The following STK32B variants were observed in gnomAD, a reference collection of about 807,000 sequenced individuals.
STK32B encodes the protein serine/threonine-protein kinase 32B.
A neutral mutation model predicts 52.6 loss-of-function variants in STK32B; 43 were observed. The observed-to-expected ratio is 0.82, with a 90% CI of 0.64 to 1.05. STK32B has a LOEUF of 1.05. Among genes scored for constraint, STK32B ranks in the 50% least tolerant of loss-of-function variants. The pLI, the probability that STK32B is intolerant of heterozygous loss-of-function variation, is 0.00. For missense variants in STK32B, 621 were observed against 534.6 expected (o/e 1.16, Z -1.59); for synonymous variants, 238 against 204.3 (o/e 1.17, Z -1.41).
rs1051702616 is a variant in STK32B, at chr4:5,378,389, C to G, written c.435-19818C>G. Among the ~76,000 whole-genome samples, 44 of 152,328 alleles carry G rather than the reference C, an allele frequency of 2.9e-4. No individual in the cohort carries two copies. The highest frequency in any genetic ancestry group is 1.0e-3 in the African/African-American group (43 of 41,570). On this transcript the variant is annotated intron_variant, in intron 4 of 11. Coordinates refer to ENST00000282908, the MANE Select transcript of STK32B (RefSeq NM_018401.3). This position sits in a 1 kb window ranked among gnomAD's most constrained non-coding sequence, Gnocchi z 4.4. ...TCCTAGAGATTCTGAAGCCCTGTGC[C>G]TGGGTCGTAGCCCTGGACTTTGCAT...
intron 3 of STK32B, among the ~76,000 whole-genome samples, chr4:5,258,587 C>T (rs2108841705): frequency 6.6e-6 from 1 of 152,256 alleles, no homozygotes; most frequent in Non-Finnish European, 1.5e-5. Flanking sequence ...CCATGATTAT[C>T]CTCTTCCTTT....
the STK32B span, among the ~76,000 whole-genome samples, chr4:5,026,748 C>A: frequency 6.6e-6 from 1 of 152,264 alleles, no homozygotes; most frequent in East Asian, 1.9e-4. Flanking sequence ...CCTGCCTGCT[C>A]CCTGTGTTCC....
At chr4:5,265,465 G>T (rs756958085) in intron 3 of STK32B, among the ~76,000 whole-genome samples, 1 of 152,006 alleles carries the variant, frequency 6.6e-6, no homozygotes, top group African/African-American at 2.4e-5. Context: ...GACCACTGCC[G>T]CCATCCATCC....
intron 3 of STK32B, among the ~76,000 whole-genome samples, chr4:5,287,501 A>C (rs1010231376): frequency 6.6e-6 from 1 of 152,012 alleles, no homozygotes; most frequent in Non-Finnish European, 1.5e-5. Flanking sequence ...TTTATTTTTG[A>C]ATAGATACAT....
At chr4:5,188,847 A>T (rs558548914) in intron 3 of STK32B, among the ~76,000 whole-genome samples, 1 of 137,236 alleles carries the variant, frequency 7.3e-6, no homozygotes, top group East Asian at 2.1e-4. Context: ...GGAACATCAC[A>T]CACTGGGGCC....
chr4:5,084,259 AG>A (rs1405972889), intron 1 of STK32B, among the ~76,000 whole-genome samples: 5 of 152,194 alleles, frequency 3.3e-5, no homozygotes, highest in African/African-American at 1.2e-4. Context: ...TTTGTATTGG[AG>A]AACTGGCTGC....
At chr4:5,194,351 A>AG (rs1331858692) in intron 3 of STK32B, among the ~76,000 whole-genome samples, 1 of 152,224 alleles carries the variant, frequency 6.6e-6, no homozygotes, top group Admixed American at 6.5e-5. Context: ...TATGTTCAGA[A>AG]GTTCAGAAAG....
At chr4:5,476,742 A>T (rs930793129) in intron 11 of STK32B, among the ~76,000 whole-genome samples, 1 of 151,758 alleles carries the variant, frequency 6.6e-6, no homozygotes, top group Non-Finnish European at 1.5e-5. Context: ...TTATGAGTGA[A>T]TATGACCTTA....
At chr4:5,033,366 A>T in the STK32B span, among the ~76,000 whole-genome samples, 1 of 152,098 alleles carries the variant, frequency 6.6e-6, no homozygotes, top group Admixed American at 6.5e-5. Context: ...GCTTCTGGGA[A>T]GGTAAGGCTT....
At chr4:5,262,619 C>T (rs562479040) in intron 3 of STK32B, among the ~76,000 whole-genome samples, 7 of 133,808 alleles carry the variant, frequency 5.2e-5, no homozygotes, top group African/African-American at 1.8e-4. Context: ...AGCGAGACTC[C>T]ATCTCAAAAA....
chr4:5,281,222 T>C (rs1323650595), intron 3 of STK32B, among the ~76,000 whole-genome samples: 1 of 151,980 alleles, frequency 6.6e-6, no homozygotes, highest in Non-Finnish European at 1.5e-5. Context: ...ACCAGGTCCC[T>C]CCCCCAATAC....
At chr4:5,358,156 C>T (rs1351632134) in intron 4 of STK32B, among the ~76,000 whole-genome samples, 1 of 152,158 alleles carries the variant, frequency 6.6e-6, no homozygotes, top group Non-Finnish European at 1.5e-5. Context: ...GGGATTGTTC[C>T]ATCTCCTAGG....
intron 3 of STK32B, among the ~76,000 whole-genome samples, chr4:5,279,202 T>C (rs1441235173): frequency 2.0e-5 from 3 of 152,158 alleles, no homozygotes; most frequent in African/African-American, 7.2e-5. Context: ...CTTCCACCTA[T>C]AAGCCTGTGA....
intron 1 of STK32B, among the ~76,000 whole-genome samples, chr4:5,138,575 C>G (rs1716217909): frequency 6.6e-6 from 1 of 152,098 alleles, no homozygotes; most frequent in South Asian, 2.1e-4. Flanking sequence ...TAACTGTGTA[C>G]TAAACACTGT....
chr4:5,138,725 C>T (rs1439241288), intron 1 of STK32B, among the ~76,000 whole-genome samples: 2 of 152,090 alleles, frequency 1.3e-5, no homozygotes, highest in African/African-American at 4.8e-5. Context: ...GGGAAAGTTC[C>T]ACAGTGCCAT....
At chr4:5,324,821 G>A (rs1382462503) in intron 3 of STK32B, among the ~76,000 whole-genome samples, 1 of 152,138 alleles carries the variant, frequency 6.6e-6, no homozygotes, top group African/African-American at 2.4e-5. Context: ...TGAGAGTGTG[G>A]GTCCATCCAG....
In STK32B at chr4:5,321,081, A is replaced by G. The variant is rs921909446; in HGVS notation, c.261-10139A>G. 2.0e-5 allele frequency among the ~76,000 whole-genome samples: 3 copies of G among 152,130 alleles called. No homozygotes were observed. In the South Asian group the frequency reaches 6.2e-4, roughly 32 times the overall value. ...GGGCTTTGAAGATGTGGTTGGCAAA[A>G]GGATTTCAGAGGGAGGGGGTTGGAG... On this transcript the variant is annotated intron_variant, in intron 3 of 11. Coordinates refer to ENST00000282908, the MANE Select transcript of STK32B (RefSeq NM_018401.3).
intron 1 of STK32B, among the ~76,000 whole-genome samples, chr4:5,120,170 T>C (rs1714948409): frequency 6.6e-6 from 1 of 152,198 alleles, no homozygotes; most frequent in Non-Finnish European, 1.5e-5. Context: ...CCAATGACAC[T>C]GGTAATCATT....
chr4:5,281,967 C>T (rs944607270), intron 3 of STK32B, among the ~76,000 whole-genome samples: 1 of 151,864 alleles, frequency 6.6e-6, no homozygotes, highest in African/African-American at 2.4e-5. Context: ...TTAATTCATT[C>T]TTAATTTTTT....
Sources: allele counts gnomAD v4.1 joint callset (sites outside exome capture counted in the v4.1 genomes callset), GRCh38; gene constraint gnomAD v4.1.1; non-coding constraint Gnocchi (gnomAD v3.1); transcripts MANE v1.5; gene names NCBI Gene and HGNC (gene_info 2026-07-23, HGNC 2026-07-21).